Variants in CPVL observed in about 807,000 individuals in gnomAD.
CPVL encodes carboxypeptidase vitellogenic like.
Under a neutral mutation model 63.7 loss-of-function variants are expected in CPVL, and 51 were observed. The observed-to-expected ratio is 0.80, with a 90% CI of 0.64 to 1.01. The LOEUF is 1.01. Among genes scored for constraint, CPVL ranks in the 50% least tolerant of loss-of-function variants. The probability of loss-of-function intolerance (pLI) is 0.00; values close to 1 mark genes in which losing one functional copy is unlikely to be tolerated. For synonymous variants in CPVL, 195 were observed against 206.0 expected, an observed-to-expected ratio of 0.95 and a Z score of 0.46; for missense variants, 530 against 573.1, an observed-to-expected ratio of 0.92 and a Z score of 0.77.
Position 29,112,739 on chromosome 7 carries a change from TGTAA to T in CPVL, c.249_252del (p.Tyr84ThrfsTer20). ...AAGAACCAGAAGAAGAGGTTGCTGT[TGTAA>T]GTCTTATTCACGGTGAGGAAGCCGG... On this transcript the variant is annotated frameshift_variant, in exon 3 of 13. Coordinates refer to ENST00000265394, the MANE Select transcript of CPVL (RefSeq NM_031311.5). The T allele has an allele frequency of 6.2e-7, 1 of 1,613,642 alleles. No homozygotes were observed. Among genetic ancestry groups the T allele is most frequent in the Admixed American group, 1.7e-5 (1 of 60,008 alleles).
intron 5 of CPVL, among the ~76,000 whole-genome samples, chr7:29,161,515 C>G (rs1795172819): frequency 1.3e-5 from 2 of 152,138 alleles, no homozygotes; most frequent in Non-Finnish European, 2.9e-5. Flanking sequence ...TTTAACTTTT[C>G]ATACCCATTC....
chr7:29,163,500 A>T (rs1795481837), intron 5 of CPVL, among the ~76,000 whole-genome samples: 1 of 152,190 alleles, frequency 6.6e-6, no homozygotes, highest in South Asian at 2.1e-4. Flanking sequence ...ACATATGTTA[A>T]TGGGCATATG....
At chr7:29,016,812 C>T (rs897338079) in intron 12 of CPVL, among the ~76,000 whole-genome samples, 2 of 152,160 alleles carry the variant, frequency 1.3e-5, no homozygotes, top group African/African-American at 4.8e-5. Flanking sequence ...AATCAGTCCT[C>T]ACAGCTTGGG....
chr7:29,128,538 A>C (rs966872243), intron 1 of CPVL, among the ~76,000 whole-genome samples: 1 of 152,004 alleles, frequency 6.6e-6, no homozygotes, highest in African/African-American at 2.4e-5. Flanking sequence ...CAACACGGTG[A>C]AACCCTGTCT....
At chr7:29,053,567 C>T (rs994694014) in intron 11 of CPVL, among the ~76,000 whole-genome samples, 2 of 152,064 alleles carry the variant, frequency 1.3e-5, no homozygotes, top group Non-Finnish European at 2.9e-5. Context: ...TAGTGGTTGC[C>T]AGGGGCTGGA....
chr7:29,062,776 C>G (rs1444420508), intron 11 of CPVL, among the ~76,000 whole-genome samples: 1 of 152,174 alleles, frequency 6.6e-6, no homozygotes, highest in African/African-American at 2.4e-5. Context: ...TTAACTAAGG[C>G]AGTATATCAG....
intron 12 of CPVL, among the ~76,000 whole-genome samples, chr7:29,014,336 T>G (rs1185832642): frequency 6.6e-6 from 1 of 152,154 alleles, no homozygotes; most frequent in Non-Finnish European, 1.5e-5. Context: ...TGTTTTGTTT[T>G]GTTTTGTTTT....
chr7:29,152,362 G>A (rs1793711962), intron 5 of CPVL, among the ~76,000 whole-genome samples: 1 of 152,136 alleles, frequency 6.6e-6, no homozygotes, highest in African/African-American at 2.4e-5. Context: ...ACCAAGCAGT[G>A]AGAAAGAGAA....
intron 11 of CPVL, among the ~76,000 whole-genome samples, chr7:29,048,281 A>G (rs889437446): frequency 2.0e-5 from 3 of 152,196 alleles, no homozygotes; most frequent in Non-Finnish European, 4.4e-5. Flanking sequence ...TGCAAAATGG[A>G]TAAGAACTCA....
chr7:29,012,800 G>T lies in CPVL; in HGVS notation c.1321-16918C>A, dbSNP rs1298581754. The T allele has an allele frequency of 2.0e-5, 3 of 152,190 alleles. No individual in the cohort carries two copies. In the East Asian group the frequency reaches 5.8e-4, roughly 29 times the overall value. The allele number at this position is 152,190 out of a possible 1,614,324, so 9.4% of individuals were successfully genotyped here. On this transcript the variant is annotated intron_variant, in intron 12 of 12. Coordinates refer to ENST00000265394, the MANE Select transcript of CPVL (RefSeq NM_031311.5). The stretch of plus-strand genomic sequence containing the variant: ...TGTCATTATCAATAGAGGGACAAAA[G>T]ACATCATAGTTTAGGGTTCCCAAAC...
intron 6 of CPVL, among the ~76,000 whole-genome samples, chr7:29,089,178 C>T (rs945012373): frequency 6.6e-6 from 1 of 151,802 alleles, no homozygotes; most frequent in African/African-American, 2.4e-5. Flanking sequence ...CCTTAAAGGA[C>T]CAAAAAGAGA....
intron 7 of CPVL, among the ~76,000 whole-genome samples, chr7:29,076,925 T>C (rs1372699636): frequency 6.6e-6 from 1 of 152,236 alleles, no homozygotes; most frequent in East Asian, 1.9e-4. Context: ...GGAAATCCCG[T>C]GAGGAGCACA....
intron 2 of CPVL, among the ~76,000 whole-genome samples, chr7:29,117,324 A>T (rs931998888): frequency 1.3e-5 from 2 of 152,232 alleles, no homozygotes; most frequent in African/African-American, 4.8e-5. Flanking sequence ...AACAGGAGAG[A>T]TGTCAGTAGT....
intron 12 of CPVL, among the ~76,000 whole-genome samples, chr7:29,013,829 G>C (rs1219654821): frequency 6.6e-6 from 1 of 152,212 alleles, no homozygotes; most frequent in Non-Finnish European, 1.5e-5. Context: ...CCTTTCCCAA[G>C]ATGATGACCT....
intron 5 of CPVL, among the ~76,000 whole-genome samples, chr7:29,154,778 T>G (rs1164740184): frequency 1.3e-5 from 2 of 152,202 alleles, no homozygotes; most frequent in Non-Finnish European, 2.9e-5. Context: ...GAGGTTGCAG[T>G]GAACCAAGAT....
Position 29,129,129 on chromosome 7 carries a change from A to C in CPVL, c.-10-8058T>G, listed in dbSNP as rs1333744995. ...ACAAGTAGGCTTAAGGAGAATCAGG[A>C]TGGAACCATGATACCTCATAAGAGG... On this transcript the variant is annotated intron_variant, in intron 1 of 12. Transcript: ENST00000265394. Among the ~76,000 whole-genome samples the C allele has an allele frequency of 2.0e-5, 3 of 152,170 alleles. No homozygotes were observed. The East Asian group carries it at 5.8e-4, about 29-fold the overall frequency.
At chr7:29,158,607 G>A (rs1794752374) in intron 5 of CPVL, among the ~76,000 whole-genome samples, 1 of 152,166 alleles carries the variant, frequency 6.6e-6, no homozygotes. Flanking sequence ...TTTCACATGT[G>A]TAGAGCTGAC....
chr7:29,177,546 G>T (rs1381965682), intron 5 of CPVL, among the ~76,000 whole-genome samples: 1 of 150,254 alleles, frequency 6.7e-6, no homozygotes, highest in Non-Finnish European at 1.5e-5. Flanking sequence ...GACCCACCGT[G>T]CCTGGCCCCC....
At position 29,056,949 on chromosome 7, in the gene CPVL, C is replaced by CTTTTTTTT. The variant is rs70977101; in HGVS notation, c.1137+7104_1137+7111dup. Among the ~76,000 whole-genome samples, 58 of 118,022 alleles carry CTTTTTTTT rather than the reference C, an allele frequency of 4.9e-4. 1 individual carries two copies. The highest frequency in any genetic ancestry group is 9.7e-4 in the East Asian group (4 of 4,122). The allele number at this position is 118,022 out of a possible 152,430, so 77.4% of individuals were successfully genotyped here. On this transcript the variant is annotated intron_variant, in intron 11 of 12. Coordinates refer to ENST00000265394, the MANE Select transcript of CPVL (RefSeq NM_031311.5). The stretch of plus-strand genomic sequence containing the variant: ...ATGATGTTGAACATCTTTTCCTTTT[C>CTTTTTTTT]TTTTTTTTTTTTTTTTTTTGAGACA...
Sources: allele counts gnomAD v4.1 joint callset (sites outside exome capture counted in the v4.1 genomes callset), GRCh38; gene constraint gnomAD v4.1.1; transcripts MANE v1.5; gene names NCBI Gene and HGNC (gene_info 2026-07-23, HGNC 2026-07-21).